NTN1: variants seen among roughly 807,000 people sequenced by gnomAD.
NTN1 encodes the protein netrin-1.
A neutral mutation model predicts 54.2 loss-of-function variants in NTN1; 11 were observed. The ratio of observed to expected loss-of-function variants is 0.20; its 90% CI spans 0.13 to 0.34. The LOEUF is 0.34. Among genes scored for constraint, NTN1 ranks in the 10% least tolerant of loss-of-function variants. The probability of loss-of-function intolerance (pLI) is 1.00; values close to 1 mark genes in which losing one functional copy is unlikely to be tolerated. For missense variants in NTN1, 740 were observed against 893.1 expected (o/e 0.83, Z 2.18); for synonymous variants, 371 against 382.0 (o/e 0.97, Z 0.33).
chr17:9,210,451 CACACA>C (rs1905074397), intron 5 of NTN1, among the ~76,000 whole-genome samples: 2 of 106,286 alleles, frequency 1.9e-5, no homozygotes, highest in African/African-American at 6.3e-5. Context: ...CACCCACACA[CACACA>C]CACACACACA....
At chr17:9,016,872 C>G (rs180751076), upstream of NTN1, among the ~76,000 whole-genome samples, 3 of 152,212 alleles carry the variant, frequency 2.0e-5, no homozygotes, top group Non-Finnish European at 4.4e-5. Context: ...TGTCTCATGG[C>G]CTTGCTGGCT....
At chr17:9,134,045 C>A (rs563587140) in intron 2 of NTN1, among the ~76,000 whole-genome samples, 2 of 151,390 alleles carry the variant, frequency 1.3e-5, no homozygotes, top group African/African-American at 4.9e-5. Flanking sequence ...GCTGGGATTA[C>A]AGGCACCTGC....
intron 2 of NTN1, among the ~76,000 whole-genome samples, chr17:9,158,131 C>T (rs2092348394): frequency 6.6e-6 from 1 of 152,232 alleles, no homozygotes; most frequent in African/African-American, 2.4e-5. Flanking sequence ...GCATTTGCCA[C>T]TTGATGTCTC....
At chr17:9,188,851 G>C (rs113511877) in intron 5 of NTN1, among the ~76,000 whole-genome samples, 12 of 152,144 alleles carry the variant, frequency 7.9e-5, no homozygotes, top group South Asian at 2.1e-4. Flanking sequence ...CTGACAGGAG[G>C]GGGGATCACT....
In NTN1 at chr17:9,162,881, A is replaced by G; in HGVS notation, c.1087A>G (p.Lys363Glu). 2 of 1,614,068 alleles carry G rather than the reference A, an allele frequency of 1.2e-6. No homozygotes were observed. Among genetic ancestry groups the G allele is most frequent in the Non-Finnish European group, 8.5e-7 (1 of 1,180,004 alleles). Residue 363 changes from lysine (K) to glutamate (E), a missense_variant, in exon 3 of 7, where the codon AAG (lysine) becomes GAG (glutamate). By Grantham distance (56) the Lys-to-Glu change is moderately conservative. Coordinates refer to ENST00000173229, the MANE Select transcript of NTN1 (RefSeq NM_004822.3). ...GGAGCTCTACAAGCTTTCGGGGCGC[A>G]AGAGCGGAGGTGTCTGCCTCAACTG... ...NMELYKLSGR[K>E]SGGVCLNCRH...
intron 5 of NTN1, among the ~76,000 whole-genome samples, chr17:9,216,711 T>C (rs1905223212): frequency 6.6e-6 from 1 of 152,222 alleles, no homozygotes; most frequent in Non-Finnish European, 1.5e-5. Flanking sequence ...TTCTCTGCAT[T>C]GCCTGATTTT....
Position 9,219,304 on chromosome 17 carries a change from A to C in NTN1, c.1412-1864A>C, listed in dbSNP as rs1567742415. ...CTGGACAGCCCAGTCCCTGCACCCCAAGAAATCCCTACTCTAGTAACCAAG... is the reference window on the plus strand; with the variant it reads ...CTGGACAGCCCAGTCCCTGCACCCCCAGAAATCCCTACTCTAGTAACCAAG... On this transcript the variant is annotated intron_variant, in intron 5 of 6. Transcript: ENST00000173229. This position sits in a 1 kb window ranked among gnomAD's most constrained non-coding sequence, Gnocchi z 4.5. 6.6e-6 allele frequency among the ~76,000 whole-genome samples: 1 copy of C among 152,140 alleles called. No homozygotes were observed. The highest frequency in any genetic ancestry group is 1.5e-5 in the Non-Finnish European group (1 of 68,030).
chr17:9,072,539 G>C (rs1186692855), intron 2 of NTN1, among the ~76,000 whole-genome samples: 7 of 152,174 alleles, frequency 4.6e-5, no homozygotes, highest in Admixed American at 4.6e-4. Flanking sequence ...GAAGGTGGCT[G>C]TTTGACCTGG....
At chr17:9,190,286 G>A (rs1343586536) in intron 5 of NTN1, among the ~76,000 whole-genome samples, 1 of 152,288 alleles carries the variant, frequency 6.6e-6, no homozygotes, top group East Asian at 1.9e-4. Context: ...GCCACGTTCT[G>A]AGAAGACAAG....
rs549772985 is a variant in NTN1 at position 9,204,694 on chromosome 17, A to G, written c.1412-16474A>G. ...GCAAGGATGCATCAGCTTCCCCACT[A>G]AGCAACTCCCTACCCTTCACATACC... On this transcript the variant is annotated intron_variant, in intron 5 of 6. Transcript: ENST00000173229. Among the ~76,000 whole-genome samples the G allele has an allele frequency of 3.3e-5, 5 of 152,276 alleles. No individual in the cohort carries two copies. The East Asian group carries it at 9.6e-4, about 29-fold the overall frequency.
intron 6 of NTN1, among the ~76,000 whole-genome samples, chr17:9,232,332 C>T (rs981757724): frequency 6.6e-6 from 1 of 152,196 alleles, no homozygotes; most frequent in African/African-American, 2.4e-5. Context: ...AAGAAGGGTG[C>T]CAGTCCCCGA....
chr17:9,033,917 CAAAAAAA>C (rs58699789), intron 2 of NTN1, among the ~76,000 whole-genome samples: 1 of 106,476 alleles, frequency 9.4e-6, no homozygotes, highest in Non-Finnish European at 1.9e-5. Flanking sequence ...AACTCTGTCT[CAAAAAAA>C]AAAAAAAAAA....
intron 2 of NTN1, among the ~76,000 whole-genome samples, chr17:9,067,439 A>G (rs1303571153): frequency 2.0e-5 from 3 of 152,186 alleles, no homozygotes; most frequent in Admixed American, 6.5e-5. Context: ...GCCTCCTGTT[A>G]CAATAAGATA....
intron 5 of NTN1, among the ~76,000 whole-genome samples, chr17:9,204,681 C>A (rs995052155): frequency 1.3e-5 from 2 of 152,208 alleles, no homozygotes; most frequent in African/African-American, 2.4e-5. Flanking sequence ...AAGGATGCAT[C>A]AGCTTCCCCA....
intron 2 of NTN1, among the ~76,000 whole-genome samples, chr17:9,151,954 C>T (rs1438627171): frequency 1.3e-5 from 2 of 152,176 alleles, no homozygotes; most frequent in Non-Finnish European, 2.9e-5. Context: ...CAGCCCGAGT[C>T]TAAAAGTAGC....
intron 5 of NTN1, among the ~76,000 whole-genome samples, chr17:9,203,168 G>A (rs534352210): frequency 1.7e-3 from 264 of 152,178 alleles, no homozygotes; most frequent in African/African-American, 5.4e-3. Context: ...TGATCCGCCT[G>A]CCTTGGCCTC....
At chr17:9,214,778 C>T (rs1394257996) in intron 5 of NTN1, among the ~76,000 whole-genome samples, 6 of 152,108 alleles carry the variant, frequency 3.9e-5, no homozygotes, top group South Asian at 2.1e-4. Flanking sequence ...GCTGAGATCA[C>T]GCCACTGCAC....
intron 2 of NTN1, among the ~76,000 whole-genome samples, chr17:9,037,521 C>T (rs1332200620): frequency 1.3e-5 from 2 of 152,198 alleles, no homozygotes; most frequent in Non-Finnish European, 2.9e-5. Flanking sequence ...AGAGGTATCA[C>T]TGGACTAGGA....
At chr17:9,162,767 T>TCCC (rs1002500490) in intron 2 of NTN1, 46 bp from the exon 3 acceptor site, 1 of 1,555,068 alleles carries the variant, frequency 6.4e-7, no homozygotes, top group Admixed American at 1.7e-5. Context: ...GTGCCTGTCC[T>TCCC]CCCCGCGCCC....
Sources: gnomAD v4.1 joint callset for allele counts (sites outside exome capture counted in the v4.1 genomes callset) on GRCh38, gnomAD v4.1.1 for gene constraint, Gnocchi (gnomAD v3.1) non-coding constraint, MANE v1.5 for transcripts, NCBI Gene and HGNC (gene_info 2026-07-23, HGNC 2026-07-21) for gene names.